The following SMG6 variants were observed in gnomAD, a reference collection of about 807,000 sequenced individuals.
SMG6 encodes telomerase-binding protein EST1A.
In SMG6, 66 loss-of-function variants were observed where a neutral mutation model predicts 142.2. The observed-to-expected ratio is 0.46, with a 90% confidence interval of 0.38 to 0.57. The LOEUF (loss-of-function observed/expected upper bound fraction) is 0.57. SMG6 is among the 20% of genes least tolerant of loss of function. The pLI, the probability that SMG6 is intolerant of heterozygous loss-of-function variation, is 0.00. For missense variants in SMG6, 1,793 were observed against 1,832.0 expected, an observed-to-expected ratio of 0.98 and a Z score of 0.39; for synonymous variants, 779 against 702.4, an observed-to-expected ratio of 1.11 and a Z score of -1.72.
intron 13 of SMG6, among the ~76,000 whole-genome samples, chr17:2,170,084 A>G (rs943031742): frequency 9.2e-5 from 14 of 152,272 alleles, no homozygotes; most frequent in African/African-American, 3.4e-4. Context: ...GGGAAGGGTA[A>G]AGGAAGACCA....
chr17:2,063,067 G>C (rs923219557), intron 18 of SMG6: 1 of 152,242 alleles, frequency 6.6e-6, no homozygotes, highest in Non-Finnish European at 1.5e-5. Context: ...GCTGTGTGGG[G>C]CTCCCAGCTG....
At chr17:2,295,371 AC>A (rs1260795175) in intron 4 of SMG6, among the ~76,000 whole-genome samples, 2 of 152,182 alleles carry the variant, frequency 1.3e-5, no homozygotes, top group African/African-American at 4.8e-5. Context: ...AAAACAAAGA[AC>A]AAAAAACCTT....
At chr17:2,136,706 T>G (rs577367927) in intron 13 of SMG6, among the ~76,000 whole-genome samples, 34 of 151,030 alleles carry the variant, frequency 2.3e-4, no homozygotes, top group African/African-American at 8.2e-4. Flanking sequence ...ATTCAATCCC[T>G]GAAAAGGCCT....
intron 8 of SMG6, among the ~76,000 whole-genome samples, chr17:2,274,748 G>C (rs977105307): frequency 5.9e-5 from 9 of 152,202 alleles, no homozygotes; most frequent in Admixed American, 2.0e-4. Flanking sequence ...TGCAGGAATA[G>C]TCACAGTGGC....
At position 2,065,526 on chromosome 17, in the gene SMG6, C is replaced by G. The variant is rs1409204338; in HGVS notation, c.3989G>C (p.Ser1330Thr). ...SRDSCLRALT[S>T]RGNELESIAF... is the part of the protein sequence containing the mutation. Reference sequence around the variant, plus strand: ...GATGGATTCGAGTTCATTGCCACGGCTGGTCAGGGCTCGCAGGCAAGAGTC... The same window carrying G: ...GATGGATTCGAGTTCATTGCCACGGGTGGTCAGGGCTCGCAGGCAAGAGTC... Residue 1330 changes from serine to threonine, a missense_variant, in exon 17 of 19, where the codon AGC becomes ACC. Coordinates refer to ENST00000263073, the MANE Select transcript of SMG6 (RefSeq NM_017575.5). 2 of 1,613,992 alleles carry G rather than the reference C, an allele frequency of 1.2e-6. No individual in the cohort carries two copies. The highest frequency in any genetic ancestry group is 1.7e-6 in the Non-Finnish European group (2 of 1,180,024).
intron 9 of SMG6, among the ~76,000 whole-genome samples, chr17:2,242,101 C>T (rs1009328981): frequency 6.6e-6 from 1 of 151,972 alleles, no homozygotes; most frequent in African/African-American, 2.4e-5. Context: ...GTTGGGAAAT[C>T]CTGACTTAGG....
At chr17:2,186,354 G>A (rs986822198) in intron 12 of SMG6, among the ~76,000 whole-genome samples, 14 of 151,990 alleles carry the variant, frequency 9.2e-5, no homozygotes, top group Admixed American at 7.9e-4. Flanking sequence ...TCCAGAGGCA[G>A]CTGCAGAGAT....
At chr17:2,281,388 C>A (rs2074782270) in intron 8 of SMG6, among the ~76,000 whole-genome samples, 1 of 152,132 alleles carries the variant, frequency 6.6e-6, no homozygotes, top group Non-Finnish European at 1.5e-5. Context: ...CTTGGCCTCC[C>A]AAAGTGCTGG....
At chr17:2,201,070 G>T (rs1228091553) in intron 10 of SMG6, among the ~76,000 whole-genome samples, 2 of 152,060 alleles carry the variant, frequency 1.3e-5, no homozygotes, top group Non-Finnish European at 2.9e-5. Context: ...CTTTTCAAAA[G>T]ACAAAATGAA....
chr17:2,283,007 C>T, intron 7 of SMG6, 148 bp from the exon 8 acceptor site: 1 of 696,360 alleles, frequency 1.4e-6, no homozygotes, highest in African/African-American at 1.8e-5. Context: ...CCTGTCTCTA[C>T]TAAAAATACA....
At position 2,188,477 on chromosome 17, in the gene SMG6, G is replaced by A; in HGVS notation, c.2908C>T (p.Gln970Ter). 1 of 1,614,150 alleles carries A rather than the reference G, an allele frequency of 6.2e-7. No individual in the cohort carries two copies. The highest frequency in any genetic ancestry group is 8.5e-7 in the Non-Finnish European group (1 of 1,180,018). ...SEECRSVIQE[Q>*]AAALGLAMFS... Reference sequence around the variant, plus strand: ...ATGGCCAAGCCCAGAGCTGCGGCTTGTTCCTGGATCACAGAGCGGCACTCC... The same window carrying A: ...ATGGCCAAGCCCAGAGCTGCGGCTTATTCCTGGATCACAGAGCGGCACTCC... Residue 970 changes from glutamine to a stop codon, truncating the protein, a stop_gained, in exon 11 of 19, where the codon CAA (glutamine) becomes TAA (stop). Transcript: ENST00000263073. LOFTEE classifies it high-confidence loss of function.
rs1315474236 is a variant in SMG6, at chr17:2,292,947, A to T, written c.2182T>A (p.Cys728Ser). The T allele has an allele frequency of 6.2e-7, 1 of 1,614,156 alleles. No individual in the cohort carries two copies. Among genetic ancestry groups the T allele is most frequent in the East Asian group, 2.2e-5 (1 of 44,886 alleles). Residue 728 changes from cysteine to serine, a missense_variant, in exon 5 of 19, where the codon TGC becomes AGC. By Grantham distance (112) the Cys-to-Ser change is moderately radical. Around this residue, in one of 3 missense-constraint regions of SMG6, gnomAD observed 1,597 missense variants for 1,584.6 expected, o/e 1.01. Transcript: ENST00000263073. Reference protein sequence around the residue: ...VKYALISAQRCMICQGDIARY... With the variant: ...VKYALISAQRSMICQGDIARY... ...GCAATATCTCCTTGGCATATCATGC[A>T]TCGCTGGGCACTGATCAAGGCATAT...
intron 8 of SMG6, chr17:2,265,950 T>G (rs941595960): frequency 1.0e-6 from 1 of 976,386 alleles, no homozygotes; most frequent in South Asian, 4.7e-5. Context: ...CTGGTGCATG[T>G]GTTGGGCTTC....
At chr17:2,244,419 T>C (rs1469791993) in intron 9 of SMG6, among the ~76,000 whole-genome samples, 1 of 152,012 alleles carries the variant, frequency 6.6e-6, no homozygotes, top group African/African-American at 2.4e-5. Flanking sequence ...CAAGATTGTA[T>C]TTAAAGGAGT....
At chr17:2,074,729 G>T (rs2068209005) in intron 15 of SMG6, among the ~76,000 whole-genome samples, 2 of 152,340 alleles carry the variant, frequency 1.3e-5, no homozygotes, top group South Asian at 4.1e-4. Context: ...GACTTCGGGG[G>T]ACAGTGGGCT....
intron 8 of SMG6, among the ~76,000 whole-genome samples, chr17:2,277,415 G>A (rs7405464): frequency 1.3e-5 from 2 of 151,658 alleles, no homozygotes; most frequent in African/African-American, 2.4e-5. Flanking sequence ...ATCCGCCCGC[G>A]TTGGCCTCCT....
intron 8 of SMG6, among the ~76,000 whole-genome samples, chr17:2,276,112 C>T (rs756652828): frequency 6.6e-5 from 10 of 152,198 alleles, no homozygotes; most frequent in African/African-American, 2.4e-4. Flanking sequence ...CCCAGTTCTG[C>T]TATAATGTTC....
intron 13 of SMG6, among the ~76,000 whole-genome samples, chr17:2,103,972 G>A (rs113530079): frequency 4.1e-5 from 6 of 147,068 alleles, no homozygotes; most frequent in African/African-American, 1.0e-4. Context: ...TTTTTTTTCA[G>A]TTGGAATCTT....
At chr17:2,246,217 C>T (rs886781089) in intron 8 of SMG6, among the ~76,000 whole-genome samples, 3 of 152,084 alleles carry the variant, frequency 2.0e-5, no homozygotes, top group African/African-American at 7.2e-5. Flanking sequence ...CAAGTAGAAA[C>T]AATCTAAAAA....
Sources: allele counts gnomAD v4.1 joint callset (sites outside exome capture counted in the v4.1 genomes callset), GRCh38; gene constraint gnomAD v4.1.1; regional missense constraint gnomAD v4.1.1; transcripts MANE v1.5; gene names NCBI Gene and HGNC (gene_info 2026-07-23, HGNC 2026-07-21).